The following PYROXD2 variants were observed in gnomAD, a reference collection of about 807,000 sequenced individuals.
PYROXD2 encodes the protein pyridine nucleotide-disulfide oxidoreductase domain-containing protein 2.
Under a neutral mutation model 71.1 loss-of-function variants are expected in PYROXD2, and 69 were observed. The observed-to-expected ratio is 0.97, with a 90% CI of 0.80 to 1.19. PYROXD2 has a LOEUF of 1.19. Ranked by LOEUF, PYROXD2 falls within the 50% of genes most tolerant of loss-of-function variation. PYROXD2 has a pLI of 0.00. For missense variants in PYROXD2, 745 were observed against 748.9 expected (o/e 0.99, Z 0.06); for synonymous variants, 287 against 302.7 (o/e 0.95, Z 0.54).
chr10:98,410,919 TC>T lies in PYROXD2; in HGVS notation c.147+19del. ...CACGCCCAGGGCCAGTGAAGTGGGATCAAGTGGGGAGGTACTCACAGCCACC... is the reference window on the plus strand; with the variant it reads ...CACGCCCAGGGCCAGTGAAGTGGGATAAGTGGGGAGGTACTCACAGCCACC... On this transcript the variant is annotated intron_variant, in intron 2 of 15. Coordinates refer to ENST00000370575, the MANE Select transcript of PYROXD2 (RefSeq NM_032709.3). 6.4e-7 allele frequency: 1 copy of T among 1,561,266 alleles called. No individual in the cohort carries two copies. Among genetic ancestry groups the T allele is most frequent in the Admixed American group, 1.9e-5 (1 of 51,660 alleles).
In PYROXD2 at chr10:98,390,757, G is replaced by C; in HGVS notation, c.1136-3C>G. The C allele has an allele frequency of 1.9e-6, 3 of 1,582,956 alleles. No individual in the cohort carries two copies. Among genetic ancestry groups the C allele is most frequent in the Non-Finnish European group, 2.6e-6 (3 of 1,164,058 alleles). On this transcript the variant is annotated splice_polypyrimidine_tract_variant and splice_region_variant and intron_variant, in intron 11 of 15. Transcript: ENST00000370575. Reference sequence around the variant, plus strand: ...GCTGGGCAGCCTGTCTACGGCCACTGAGGGACCAAAGAGGAGGGTCAGGTC... The same window carrying C: ...GCTGGGCAGCCTGTCTACGGCCACTCAGGGACCAAAGAGGAGGGTCAGGTC...
intron 1 of PYROXD2, chr10:98,411,231 G>T (rs1301862348): frequency 6.2e-6 from 3 of 485,008 alleles, no homozygotes; most frequent in African/African-American, 5.9e-5. Flanking sequence ...TGGAGTGAGG[G>T]GCTCATGAGA....
Position 98,400,272 on chromosome 10 carries a change from T to G in PYROXD2, c.316-15A>C. ...AGCCCATGTTTCTGCAAAACACAAA[T>G]AGCATGGGCCACATATTAATGGCTC... On this transcript the variant is annotated splice_polypyrimidine_tract_variant and intron_variant, in intron 4 of 15. Coordinates refer to ENST00000370575, the MANE Select transcript of PYROXD2 (RefSeq NM_032709.3). 6.2e-7 allele frequency: 1 copy of G among 1,601,306 alleles called. No individual in the cohort carries two copies. Among genetic ancestry groups the G allele is most frequent in the South Asian group, 1.1e-5 (1 of 89,384 alleles).
intron 11 of PYROXD2, 24 bp downstream of exon 11, chr10:98,390,986 G>A (rs763985234): frequency 4.1e-5 from 64 of 1,579,326 alleles, no homozygotes; most frequent in Non-Finnish European, 4.5e-5. Flanking sequence ...AGGAGACAGT[G>A]CTGCAATGTG....
In PYROXD2 at chr10:98,411,041, G is replaced by A. The variant is rs75325133; in HGVS notation, c.128-83C>T. 9,204 of 1,540,300 alleles carry A rather than the reference G, an allele frequency of 6.0e-3. 424 individuals carry two copies. In the African/African-American group the frequency reaches 0.11, roughly 18 times the overall value. On this transcript the variant is annotated intron_variant, in intron 1 of 15. Transcript: ENST00000370575. The stretch of plus-strand genomic sequence containing the variant: ...ACAGTCCTTGAGGAATGTGCTCCCC[G>A]CTGCCCGTCCCCATGCCATGAAGAT...
At chr10:98,388,846 A>G (rs770857963) in intron 12 of PYROXD2, among the ~76,000 whole-genome samples, 34 of 152,212 alleles carry the variant, frequency 2.2e-4, no homozygotes, top group Admixed American at 5.2e-4. Context: ...GGCCTAAGAC[A>G]GCAGGCGCCC....
intron 5 of PYROXD2, 84 bp downstream of exon 5, chr10:98,400,018 A>G: frequency 6.6e-7 from 1 of 1,515,174 alleles, no homozygotes; most frequent in South Asian, 1.3e-5. Context: ...ATGGCCTTTG[A>G]ACAATTGTTC....
intron 2 of PYROXD2, chr10:98,410,622 T>A: frequency 2.4e-6 from 1 of 410,136 alleles, no homozygotes; most frequent in Non-Finnish European, 4.4e-6. Flanking sequence ...CCTGCTCTCA[T>A]GCTGTGTTGG....
chr10:98,384,178 G>T (rs1163154963), intron 15 of PYROXD2, among the ~76,000 whole-genome samples: 1 of 152,040 alleles, frequency 6.6e-6, no homozygotes, highest in African/African-American at 2.4e-5. Flanking sequence ...CTGGGGGGAG[G>T]GGGAAGATGT....
At chr10:98,406,887 G>T (rs1317674135) in intron 4 of PYROXD2, among the ~76,000 whole-genome samples, 1 of 110,180 alleles carries the variant, frequency 9.1e-6, no homozygotes, top group African/African-American at 3.6e-5. Flanking sequence ...GCCAGACTCC[G>T]TCCCAAAAAA....
Position 98,387,191 on chromosome 10 carries a change from T to TTAG in PYROXD2, c.1554+9_1554+10insCTA, listed in dbSNP as rs1842780944. 6.2e-7 allele frequency: 1 copy of TTAG among 1,607,714 alleles called. No individual in the cohort carries two copies. The stretch of plus-strand genomic sequence containing the variant: ...GGCTATGGTGAGAGACCCCCTAGGC[T>TTAG]TATACATACCCCTCCAGGAAGCCCG... On this transcript the variant is annotated intron_variant, in intron 14 of 15. Coordinates refer to ENST00000370575, the MANE Select transcript of PYROXD2 (RefSeq NM_032709.3).
intron 1 of PYROXD2, among the ~76,000 whole-genome samples, chr10:98,413,304 A>G (rs1364951113): frequency 6.6e-6 from 1 of 152,260 alleles, no homozygotes; most frequent in Non-Finnish European, 1.5e-5. Flanking sequence ...AATGCTAATA[A>G]TGCAGATTAA....
chr10:98,385,495 A>G (rs1186766522), intron 14 of PYROXD2, among the ~76,000 whole-genome samples: 7 of 152,264 alleles, frequency 4.6e-5, no homozygotes, highest in Non-Finnish European at 7.3e-5. Context: ...AATGGCAGAC[A>G]AGGGGCAACG....
intron 12 of PYROXD2, among the ~76,000 whole-genome samples, chr10:98,390,030 G>A (rs748200499): frequency 3.9e-5 from 6 of 151,948 alleles, no homozygotes; most frequent in Non-Finnish European, 5.9e-5. Context: ...CCCCTGCCCC[G>A]CTAATTCTCC....
rs1054201331 is a variant in PYROXD2, at chr10:98,383,582, T to C, written c.*216A>G. The C allele has an allele frequency of 6.7e-6, 4 of 600,254 alleles. No individual in the cohort carries two copies. The highest frequency in any genetic ancestry group is 3.7e-5 in the African/African-American group (2 of 53,764). 37.2% of individuals were successfully genotyped at this position (600,254 alleles called of 1,614,324 possible). A position where few individuals can be genotyped will look rare whatever the true frequency, so the allele number is the denominator to read the frequency against. ...AAGCAAAATAATCTGTATGAAATAT[T>C]AGTTTTAATAAAACAGAACCAGTCC... On this transcript the variant is annotated 3_prime_UTR_variant, in exon 16 of 16. Coordinates refer to ENST00000370575, the MANE Select transcript of PYROXD2 (RefSeq NM_032709.3).
chr10:98,407,547 C>T (rs1048918018), intron 4 of PYROXD2, 35 bp downstream of exon 4: 1 of 1,611,032 alleles, frequency 6.2e-7, no homozygotes, highest in Non-Finnish European at 8.5e-7. Context: ...ACTGCCTCCT[C>T]CCTCCGTGCA....
At position 98,383,731 on chromosome 10, in the gene PYROXD2, G is replaced by T; in HGVS notation, c.*67C>A. 7.3e-7 allele frequency: 1 copy of T among 1,367,878 alleles called. No individual in the cohort carries two copies. Among genetic ancestry groups the T allele is most frequent in the Non-Finnish European group, 1.0e-6 (1 of 955,306 alleles). The allele number at this position is 1,367,878 out of a possible 1,614,324, so 84.7% of individuals were successfully genotyped here. A position where few individuals can be genotyped will look rare whatever the true frequency, so the allele number is the denominator to read the frequency against. On this transcript the variant is annotated 3_prime_UTR_variant, in exon 16 of 16. Coordinates refer to ENST00000370575, the MANE Select transcript of PYROXD2 (RefSeq NM_032709.3). Reference sequence around the variant, plus strand: ...AACCCGAAGCTGAACTTCCTGGGAAGCTGATCCAATGGAGCACTTGGAATT... The same window carrying T: ...AACCCGAAGCTGAACTTCCTGGGAATCTGATCCAATGGAGCACTTGGAATT...
At chr10:98,388,325 C>T in intron 13 of PYROXD2, 29 bp downstream of exon 13, 1 of 1,612,986 alleles carries the variant, frequency 6.2e-7, no homozygotes. Context: ...GGCTGTGGCT[C>T]TGGAGGCAGA....
At chr10:98,401,733 C>T (rs764196697) in intron 4 of PYROXD2, among the ~76,000 whole-genome samples, 2 of 151,926 alleles carry the variant, frequency 1.3e-5, no homozygotes, top group Non-Finnish European at 2.9e-5. Context: ...TCAGCCTAGG[C>T]CTACACGGGG....
Sources: allele counts gnomAD v4.1 joint callset (sites outside exome capture counted in the v4.1 genomes callset), GRCh38; gene constraint gnomAD v4.1.1; transcripts MANE v1.5; gene names NCBI Gene and HGNC (gene_info 2026-07-23, HGNC 2026-07-21).